Variants in MS4A12 observed in about 807,000 individuals in gnomAD.
MS4A12 encodes the protein membrane spanning 4-domains A12.
In MS4A12, 28 loss-of-function variants were observed where a neutral mutation model predicts 23.7. The observed-to-expected ratio is 1.18, with a 90% confidence interval of 0.88 to 1.62. MS4A12 has a LOEUF of 1.62. MS4A12 is among the 40% of genes most tolerant of loss of function. MS4A12 has a pLI of 0.00. For missense variants in MS4A12, 342 were observed against 327.0 expected (o/e 1.05, Z -0.35); for synonymous variants, 108 against 110.1 (o/e 0.98, Z 0.12).
chr11:60,502,286 G>T (rs756871402), intron 4 of MS4A12, among the ~76,000 whole-genome samples: 3 of 152,128 alleles, frequency 2.0e-5, no homozygotes, highest in Non-Finnish European at 4.4e-5. Context: ...AAAAATCAGG[G>T]TTGTTTAAGC....
At chr11:60,500,450 A>T (rs2086522271) in intron 2 of MS4A12, among the ~76,000 whole-genome samples, 1 of 152,216 alleles carries the variant, frequency 6.6e-6, no homozygotes, top group African/African-American at 2.4e-5. Flanking sequence ...CAGGCTCAGC[A>T]GTCAATGTGC....
intron 1 of MS4A12, among the ~76,000 whole-genome samples, chr11:60,495,559 T>C (rs540467548): frequency 2.4e-4 from 36 of 152,146 alleles, no homozygotes; most frequent in Non-Finnish European, 4.7e-4. Flanking sequence ...CCACATACTT[T>C]GCAGAGAATA....
intron 1 of MS4A12, among the ~76,000 whole-genome samples, chr11:60,494,047 C>T (rs563200892): frequency 5.3e-5 from 8 of 152,288 alleles, no homozygotes; most frequent in Admixed American, 1.3e-4. Context: ...CCTACTAAGT[C>T]AATAGGTGGA....
At chr11:60,505,418 CA>C (rs1168441850) in intron 5 of MS4A12, among the ~76,000 whole-genome samples, 1 of 151,930 alleles carries the variant, frequency 6.6e-6, no homozygotes, top group Non-Finnish European at 1.5e-5. Flanking sequence ...CAAACCGTAT[CA>C]GGAGGCAAAA....
intron 1 of MS4A12, among the ~76,000 whole-genome samples, chr11:60,494,672 AG>A (rs1457782815): frequency 6.6e-6 from 1 of 152,214 alleles, no homozygotes; most frequent in Non-Finnish European, 1.5e-5. Flanking sequence ...CTGTTCCAAC[AG>A]TTTTGCATAA....
In MS4A12 at chr11:60,502,686, G is replaced by T. The variant is rs373193404; in HGVS notation, c.471+647G>T. Among the ~76,000 whole-genome samples the T allele has an allele frequency of 9.2e-5, 14 of 152,280 alleles. 1 individual carries two copies. Among genetic ancestry groups the T allele is most frequent in the African/African-American group, 3.4e-4 (14 of 41,556 alleles). On this transcript the variant is annotated intron_variant, in intron 4 of 6. Coordinates refer to ENST00000016913, the MANE Select transcript of MS4A12 (RefSeq NM_017716.3). Reference sequence around the variant, plus strand: ...ACTAGAGTCAACTAGAGCAGAGGTGGTGTCAAGATTATATGTAATCCAGTA... The same window carrying T: ...ACTAGAGTCAACTAGAGCAGAGGTGTTGTCAAGATTATATGTAATCCAGTA...
chr11:60,502,386 A>G (rs553911176), intron 4 of MS4A12, among the ~76,000 whole-genome samples: 1 of 152,196 alleles, frequency 6.6e-6, no homozygotes, highest in Non-Finnish European at 1.5e-5. Context: ...TACATACTAG[A>G]CACATCAGTT....
At chr11:60,494,680 A>G (rs2086474570) in intron 1 of MS4A12, among the ~76,000 whole-genome samples, 1 of 152,226 alleles carries the variant, frequency 6.6e-6, no homozygotes, top group South Asian at 2.1e-4. Flanking sequence ...ACAGTTTTGC[A>G]TAAATTAGGA....
chr11:60,495,564 A>G (rs1386521160), intron 1 of MS4A12, among the ~76,000 whole-genome samples: 1 of 152,058 alleles, frequency 6.6e-6, no homozygotes, highest in Non-Finnish European at 1.5e-5. Context: ...TACTTTGCAG[A>G]GAATAACTCT....
At chr11:60,495,159 A>ATTTTTTT (rs5792186) in intron 1 of MS4A12, among the ~76,000 whole-genome samples, 2 of 146,796 alleles carry the variant, frequency 1.4e-5, no homozygotes, top group Non-Finnish European at 1.5e-5. Context: ...CACCCGGCTA[A>ATTTTTTT]TTTTTTTTTT....
chr11:60,506,048 T>C (rs981691149), intron 5 of MS4A12, among the ~76,000 whole-genome samples: 8 of 152,046 alleles, frequency 5.3e-5, no homozygotes, highest in Non-Finnish European at 1.0e-4. Context: ...TTCAGAAACA[T>C]GGATATAAAA....
At chr11:60,494,465 A>C (rs1371559588) in intron 1 of MS4A12, among the ~76,000 whole-genome samples, 1 of 152,198 alleles carries the variant, frequency 6.6e-6, no homozygotes, top group Non-Finnish European at 1.5e-5. Flanking sequence ...TTAAAAGCTC[A>C]AAAAAATTCT....
In MS4A12 at chr11:60,501,044, G is replaced by C; in HGVS notation, c.277-1G>C. On this transcript the variant is annotated splice_acceptor_variant, in intron 2 of 6. Coordinates refer to ENST00000016913, the MANE Select transcript of MS4A12 (RefSeq NM_017716.3). LOFTEE classifies it high-confidence loss of function. ...TTTAAATGGCTGTTTTCTTTTTTCA[G>C]GTGATCCAGATCATGGTTGGATTGA... 6.3e-7 allele frequency: 1 copy of C among 1,593,212 alleles called. No homozygotes were observed. The highest frequency in any genetic ancestry group is 8.5e-7 in the Non-Finnish European group (1 of 1,173,602).
chr11:60,502,488 T>C (rs989187234), intron 4 of MS4A12, among the ~76,000 whole-genome samples: 1 of 152,250 alleles, frequency 6.6e-6, no homozygotes, highest in Non-Finnish European at 1.5e-5. Context: ...ACACAGGTTG[T>C]GTGTTTTACA....
chr11:60,496,459 G>T (rs900393389), intron 1 of MS4A12, among the ~76,000 whole-genome samples: 4 of 152,122 alleles, frequency 2.6e-5, no homozygotes, highest in Admixed American at 1.3e-4. Flanking sequence ...GGCCTGAGAT[G>T]CTCTAAGCTT....
At chr11:60,501,676 C>G (rs2086531543) in intron 3 of MS4A12, among the ~76,000 whole-genome samples, 1 of 152,004 alleles carries the variant, frequency 6.6e-6, no homozygotes, top group Non-Finnish European at 1.5e-5. Flanking sequence ...TAGTGAGACT[C>G]AATCTCTAAA....
chr11:60,507,341 G>T lies in MS4A12; in HGVS notation c.*217G>T. Reference sequence around the variant, plus strand: ...TGCTGGCAAAGGTGAAGGATCAGAGGACTGAAAAATGATTCTGCAACTCTC... The same window carrying T: ...TGCTGGCAAAGGTGAAGGATCAGAGTACTGAAAAATGATTCTGCAACTCTC... On this transcript the variant is annotated 3_prime_UTR_variant, in exon 7 of 7. Coordinates refer to ENST00000016913, the MANE Select transcript of MS4A12 (RefSeq NM_017716.3). 2.0e-6 allele frequency: 1 copy of T among 495,254 alleles called. No individual in the cohort carries two copies. The highest frequency in any genetic ancestry group is 3.6e-6 in the Non-Finnish European group (1 of 280,296). The allele number at this position is 495,254 out of a possible 1,614,324, so 30.7% of individuals were successfully genotyped here.
At chr11:60,503,839 A>C in intron 5 of MS4A12, 22 bp downstream of exon 5, 1 of 1,589,960 alleles carries the variant, frequency 6.3e-7, no homozygotes, top group Non-Finnish European at 8.6e-7. Flanking sequence ...ATACTCCACC[A>C]TGTGCCTGCT....
chr11:60,504,275 G>GT (rs373830037), intron 5 of MS4A12, among the ~76,000 whole-genome samples: 15 of 152,306 alleles, frequency 9.8e-5, no homozygotes, highest in African/African-American at 3.4e-4. Context: ...AATGAAGCAC[G>GT]TATCTCTGAA....
Sources: allele counts gnomAD v4.1 joint callset (sites outside exome capture counted in the v4.1 genomes callset), GRCh38; gene constraint gnomAD v4.1.1; transcripts MANE v1.5; gene names NCBI Gene and HGNC (gene_info 2026-07-23, HGNC 2026-07-21).